The following CCDC33 variants were observed in gnomAD, a reference collection of about 807,000 sequenced individuals.
The protein encoded by CCDC33 is coiled-coil domain-containing protein 33.
Under a neutral mutation model 91.9 loss-of-function variants are expected in CCDC33, and 94 were observed. The ratio of observed to expected loss-of-function variants is 1.02; its 90% CI spans 0.87 to 1.21. The LOEUF (loss-of-function observed/expected upper bound fraction) is 1.21. Ranked by LOEUF, CCDC33 falls within the 50% of genes most tolerant of loss-of-function variation. CCDC33 has a pLI of 0.00. For synonymous variants in CCDC33, 396 were observed against 374.5 expected, an observed-to-expected ratio of 1.06 and a Z score of -0.66; for missense variants, 940 against 935.5, an observed-to-expected ratio of 1.00 and a Z score of -0.06.
At chr15:74,259,572 C>T (rs1280021944) in intron 2 of CCDC33, among the ~76,000 whole-genome samples, 1 of 152,078 alleles carries the variant, frequency 6.6e-6, no homozygotes, top group Non-Finnish European at 1.5e-5. Context: ...TCTGCACTCA[C>T]CTAGCCCTGA....
At chr15:74,292,995 A>G (rs958558521) in intron 10 of CCDC33, among the ~76,000 whole-genome samples, 10 of 152,204 alleles carry the variant, frequency 6.6e-5, no homozygotes, top group South Asian at 2.1e-4. Context: ...AAATTTCAGA[A>G]TCCACATACA....
chr15:74,312,794 C>T (rs531303054), intron 11 of CCDC33, among the ~76,000 whole-genome samples: 50 of 152,252 alleles, frequency 3.3e-4, no homozygotes, highest in African/African-American at 1.1e-3. Context: ...AGTCTAGGAC[C>T]CCTGAAGGCA....
chr15:74,223,723 TACACACACACACACACACACACAC>T (rs55820464), intron 2 of CCDC33, among the ~76,000 whole-genome samples: 1 of 112,190 alleles, frequency 8.9e-6, no homozygotes, highest in Non-Finnish European at 1.9e-5. Flanking sequence ...ACCGCCAGCA[TACACACACACACACACACACACAC>T]ACACACACAC....
intron 11 of CCDC33, among the ~76,000 whole-genome samples, chr15:74,308,358 G>GACACACACACACAC (rs3057604): frequency 5.5e-5 from 8 of 146,012 alleles, no homozygotes; most frequent in South Asian, 4.4e-4. Context: ...CAGACAGACA[G>GACACACACACACAC]ACACACACAC....
intron 18 of CCDC33, 173 bp downstream of exon 18, chr15:74,335,261 T>C (rs767604426): frequency 1.4e-6 from 1 of 719,226 alleles, no homozygotes; most frequent in Non-Finnish European, 2.6e-6. Flanking sequence ...AGGCTCGGTC[T>C]TAATTCCCCC....
intron 2 of CCDC33, among the ~76,000 whole-genome samples, chr15:74,251,622 T>C (rs893183420): frequency 1.3e-5 from 2 of 152,184 alleles, no homozygotes; most frequent in African/African-American, 4.8e-5. Context: ...AGGCTTGGGA[T>C]GGCACAGGGG....
intron 2 of CCDC33, among the ~76,000 whole-genome samples, chr15:74,249,380 C>T (rs949365709): frequency 2.6e-5 from 4 of 151,578 alleles, no homozygotes; most frequent in Non-Finnish European, 5.9e-5. Flanking sequence ...CCCAGCTACT[C>T]GGGAGGCTGA....
chr15:74,284,597 A>C (rs2059436091), intron 10 of CCDC33, among the ~76,000 whole-genome samples: 1 of 152,196 alleles, frequency 6.6e-6, no homozygotes, highest in South Asian at 2.1e-4. Context: ...AGAAAAAAAA[A>C]CAATCAGGCC....
chr15:74,261,189 ACTC>A (rs2076013264), intron 2 of CCDC33, among the ~76,000 whole-genome samples: 1 of 152,094 alleles, frequency 6.6e-6, no homozygotes, highest in Admixed American at 6.5e-5. Context: ...TGGAGATGGA[ACTC>A]CTGCAAGCAT....
upstream of CCDC33, among the ~76,000 whole-genome samples, chr15:74,215,895 A>C (rs1214547231): frequency 6.6e-6 from 1 of 150,878 alleles, no homozygotes; most frequent in Non-Finnish European, 1.5e-5. Flanking sequence ...AAAAAGAAAG[A>C]AAGAAAGAAA....
At chr15:74,219,860 A>G (rs1329610435) in intron 2 of CCDC33, among the ~76,000 whole-genome samples, 1 of 152,148 alleles carries the variant, frequency 6.6e-6, no homozygotes, top group Non-Finnish European at 1.5e-5. Context: ...GGCTAAGAGG[A>G]AGGGAGAGGT....
At chr15:74,330,097 G>T in intron 11 of CCDC33, 92 bp from the exon 12 acceptor site, 4 of 1,433,220 alleles carry the variant, frequency 2.8e-6, no homozygotes, top group East Asian at 2.4e-5. Context: ...CTGGCCTTGT[G>T]GGGGACCCAC....
At chr15:74,330,045 C>A in intron 11 of CCDC33, 144 bp from the exon 12 acceptor site, 1 of 840,832 alleles carries the variant, frequency 1.2e-6, no homozygotes, top group East Asian at 2.8e-5. Flanking sequence ...TTCCAGGGAG[C>A]TGCTAAGACT....
intron 2 of CCDC33, among the ~76,000 whole-genome samples, chr15:74,231,098 C>A (rs1252365485): frequency 6.6e-6 from 1 of 152,178 alleles, no homozygotes; most frequent in African/African-American, 2.4e-5. Flanking sequence ...TGATAGAAGT[C>A]ACCTCTGCAC....
intron 11 of CCDC33, among the ~76,000 whole-genome samples, chr15:74,314,061 C>T (rs907975416): frequency 1.3e-5 from 2 of 152,204 alleles, no homozygotes; most frequent in South Asian, 2.1e-4. Context: ...ACTGTGTCTC[C>T]TCCTTATGCC....
chr15:74,208,253 A>G (rs1181734031), intron 1 of CCDC33, among the ~76,000 whole-genome samples: 2 of 152,144 alleles, frequency 1.3e-5, no homozygotes, highest in African/African-American at 4.8e-5. Context: ...AAGGGAGGCA[A>G]TCAAGAAGAG....
chr15:74,331,182 A>G, intron 14 of CCDC33, 21 bp from the exon 15 acceptor site: 1 of 1,614,090 alleles, frequency 6.2e-7, no homozygotes, highest in Non-Finnish European at 8.5e-7. Context: ...GGGCCAGCCC[A>G]GCCTCTGCTC....
intron 3 of CCDC33, among the ~76,000 whole-genome samples, chr15:74,264,456 A>G (rs78987979): frequency 0.081 from 12,259 of 152,202 alleles, 561 homozygotes; most frequent in South Asian, 0.17. Context: ...ATTACCCCCA[A>G]TTCCAGCTCA....
chr15:74,244,160 C>T lies in CCDC33; in HGVS notation c.185+12C>T, dbSNP rs748756190. The T allele has an allele frequency of 6.2e-6, 10 of 1,601,258 alleles. No homozygotes were observed. The highest frequency in any genetic ancestry group is 5.6e-5 in the South Asian group (5 of 90,018). On this transcript the variant is annotated intron_variant, in intron 2 of 18. Transcript: ENST00000398814. The surrounding 1 kb of genome is among the most constrained non-coding windows in gnomAD (Gnocchi z 4.2). ...CCCTATGTGGTGGTGTAAGTAGCTG[C>T]GTGAGAGTGGGGGCAGGGGATGGGT...
Sources: gnomAD v4.1 joint callset for allele counts (sites outside exome capture counted in the v4.1 genomes callset) on GRCh38, gnomAD v4.1.1 for gene constraint, Gnocchi (gnomAD v3.1) non-coding constraint, MANE v1.5 for transcripts, NCBI Gene and HGNC (gene_info 2026-07-23, HGNC 2026-07-21) for gene names.